RIPOR3: variants seen among roughly 807,000 people sequenced by gnomAD.
The protein encoded by RIPOR3 is RIPOR family member 3, also known as family with sequence similarity 65 member C.
Under a neutral mutation model 114.3 loss-of-function variants are expected in RIPOR3, and 95 were observed. That is an observed-to-expected ratio of 0.83 (90% CI 0.70 to 0.99). The LOEUF (loss-of-function observed/expected upper bound fraction) is 0.99. Ranked by LOEUF, RIPOR3 falls within the 50% of genes least tolerant of loss-of-function variation. The pLI is 0.00. For synonymous variants in RIPOR3, 575 were observed against 543.8 expected, an observed-to-expected ratio of 1.06 and a Z score of -0.80; for missense variants, 1,252 against 1,266.9, an observed-to-expected ratio of 0.99 and a Z score of 0.18.
rs1600729681 is a variant in RIPOR3 at position 50,668,854 on chromosome 20, C to T, written c.3+22272G>A. Among the ~76,000 whole-genome samples the T allele has an allele frequency of 2.0e-5, 3 of 150,176 alleles. No homozygotes were observed. The East Asian group carries it at 5.9e-4, about 29-fold the overall frequency. ...CCTGGGCAACAGAGCGAGACTCCAT[C>T]TCAAAAAAAAAAAAAAATTCAGGAA... On this transcript the variant is annotated intron_variant, in intron 1 of 21. Coordinates refer to ENST00000327979, the MANE Select transcript of RIPOR3 (RefSeq NM_001290268.2).
At position 50,602,501 on chromosome 20, in the gene RIPOR3, GA is replaced by G; in HGVS notation, c.1229del (p.Phe410SerfsTer25). 6.4e-7 allele frequency: 1 copy of G among 1,565,138 alleles called. No individual in the cohort carries two copies. The highest frequency in any genetic ancestry group is 8.7e-7 in the Non-Finnish European group (1 of 1,153,858). ...CCGTGTCTCGGGGGTCCTCAGAGCTGAAGGAGTCCATCTCAGGCAGCTCCTG... is the reference window on the plus strand; with the variant it reads ...CCGTGTCTCGGGGGTCCTCAGAGCTGAGGAGTCCATCTCAGGCAGCTCCTG... ...QSQELPEMDSFSSEDPRDTET... is the reference protein window; with the variant it reads ...QSQELPEMDSXSSEDPRDTET... On this transcript the variant is annotated frameshift_variant, in exon 13 of 22. Coordinates refer to ENST00000327979, the MANE Select transcript of RIPOR3 (RefSeq NM_001290268.2). LOFTEE classifies it high-confidence loss of function. The surrounding 1 kb of genome is among the most constrained non-coding windows in gnomAD (Gnocchi z 4.3).
chr20:50,664,493 ACT>A (rs2086116256), intron 1 of RIPOR3, among the ~76,000 whole-genome samples: 1 of 152,122 alleles, frequency 6.6e-6, no homozygotes, highest in South Asian at 2.1e-4. Flanking sequence ...GGAAATCTCC[ACT>A]GAGGGACAGA....
intron 1 of RIPOR3, among the ~76,000 whole-genome samples, chr20:50,637,843 C>A (rs374713820): frequency 2.2e-4 from 33 of 152,184 alleles, no homozygotes; most frequent in African/African-American, 5.5e-4. Context: ...CCGTTGCACT[C>A]CAGCCTGGGT....
intron 2 of RIPOR3, among the ~76,000 whole-genome samples, chr20:50,630,178 G>C (rs1189570891): frequency 6.6e-6 from 1 of 152,164 alleles, no homozygotes; most frequent in Non-Finnish European, 1.5e-5. Context: ...GTGTTGGCCA[G>C]GGTGGTCTCC....
chr20:50,675,711 C>G (rs1385553733), intron 1 of RIPOR3, among the ~76,000 whole-genome samples: 1 of 152,230 alleles, frequency 6.6e-6, no homozygotes, highest in Non-Finnish European at 1.5e-5. Context: ...AACGCCCATG[C>G]TGTTGACCAG....
intron 1 of RIPOR3, among the ~76,000 whole-genome samples, chr20:50,653,472 A>G (rs2085692316): frequency 6.6e-6 from 1 of 150,650 alleles, no homozygotes; most frequent in African/African-American, 2.4e-5. Context: ...GCCTCCCTCT[A>G]TTACCCAGGC....
At chr20:50,639,300 C>T (rs1033446920) in intron 1 of RIPOR3, among the ~76,000 whole-genome samples, 1 of 152,006 alleles carries the variant, frequency 6.6e-6, no homozygotes, top group African/African-American at 2.4e-5. Flanking sequence ...GGCTACAGGA[C>T]TTGTGCAGTG....
chr20:50,677,178 C>A (rs1456150993), intron 1 of RIPOR3, among the ~76,000 whole-genome samples: 1 of 152,088 alleles, frequency 6.6e-6, no homozygotes, highest in Non-Finnish European at 1.5e-5. Flanking sequence ...GGAATTCGGA[C>A]TAACTCCCTT....
At chr20:50,674,225 G>A (rs1335288599) in intron 1 of RIPOR3, among the ~76,000 whole-genome samples, 3 of 152,136 alleles carry the variant, frequency 2.0e-5, no homozygotes, top group African/African-American at 7.2e-5. Context: ...GATGGGATTG[G>A]AGGGTCTCAA....
chr20:50,595,169 A>T, intron 16 of RIPOR3, 200 bp downstream of exon 16: 2 of 651,510 alleles, frequency 3.1e-6, no homozygotes, highest in Non-Finnish European at 2.7e-6. Flanking sequence ...AGCTGACTGA[A>T]GAGTGTGCTG....
chr20:50,598,413 A>T (rs2083377838), intron 13 of RIPOR3, among the ~76,000 whole-genome samples: 1 of 151,806 alleles, frequency 6.6e-6, no homozygotes, highest in African/African-American at 2.4e-5. Flanking sequence ...TTCCCAGCAC[A>T]CCCCACCCAG....
rs187042699 is a variant in RIPOR3 at position 50,589,213 on chromosome 20, A to C, written c.2661+473T>G. On this transcript the variant is annotated intron_variant, in intron 20 of 21. Transcript: ENST00000327979. Reference sequence around the variant, plus strand: ...TTTTAAATGCTCACACACACCCACAAACTTTTAAAAGAAGCATACCAGAAT... The same window carrying C: ...TTTTAAATGCTCACACACACCCACACACTTTTAAAAGAAGCATACCAGAAT... 5.9e-5 allele frequency among the ~76,000 whole-genome samples: 9 copies of C among 152,242 alleles called. No homozygotes were observed. In the East Asian group the frequency reaches 1.5e-3, roughly 26 times the overall value.
chr20:50,591,254 A>T (rs1191009879), intron 19 of RIPOR3, among the ~76,000 whole-genome samples: 3 of 152,204 alleles, frequency 2.0e-5, no homozygotes, highest in Admixed American at 1.3e-4. Flanking sequence ...ATATAAAGGA[A>T]TTGATAGTTA....
rs755019012 is a variant in RIPOR3 at position 50,589,602 on chromosome 20, G to A, written c.2661+84C>T. ...TGAGCCATCACGCCCAGCCCCAGTG[G>A]AATCATTTTGAAGTTAACTAACCTT... On this transcript the variant is annotated intron_variant, in intron 20 of 21. Transcript: ENST00000327979. 12 of 1,410,434 alleles carry A rather than the reference G, an allele frequency of 8.5e-6. No individual in the cohort carries two copies. The Admixed American group carries it at 1.7e-4, about 20-fold the overall frequency. 87.4% of individuals were successfully genotyped at this position (1,410,434 alleles called of 1,614,324 possible).
At chr20:50,592,858 C>A (rs1408803277) in intron 18 of RIPOR3, among the ~76,000 whole-genome samples, 177 bp downstream of exon 18, 1 of 152,212 alleles carries the variant, frequency 6.6e-6, no homozygotes, top group African/African-American at 2.4e-5. Flanking sequence ...AGCTGACTTC[C>A]CTTGGAGCTA....
At chr20:50,648,764 A>G (rs1600680116) in intron 1 of RIPOR3, among the ~76,000 whole-genome samples, 2 of 152,162 alleles carry the variant, frequency 1.3e-5, no homozygotes, top group Middle Eastern at 6.8e-3. Flanking sequence ...GATCCCTCGC[A>G]TGCGTAGTTC....
chr20:50,611,143 C>T (rs1461011186), intron 5 of RIPOR3, 38 bp downstream of exon 5: 1 of 1,614,186 alleles, frequency 6.2e-7, no homozygotes, highest in Non-Finnish European at 8.5e-7. Flanking sequence ...CTCATCCAGC[C>T]AGGCCCAGCC....
At chr20:50,598,725 T>C (rs1294217199) in intron 13 of RIPOR3, among the ~76,000 whole-genome samples, 1 of 152,028 alleles carries the variant, frequency 6.6e-6, no homozygotes, top group Non-Finnish European at 1.5e-5. Context: ...GCCAACATGA[T>C]GAAACTGCAT....
intron 6 of RIPOR3, among the ~76,000 whole-genome samples, chr20:50,609,959 A>C (rs6020636): frequency 0.59 from 67,187 of 113,604 alleles, 19,671 homozygotes; most frequent in East Asian, 0.85. Flanking sequence ...ACCTGCCACC[A>C]CTGCCTCACC....
Sources: gnomAD v4.1 joint callset for allele counts (sites outside exome capture counted in the v4.1 genomes callset) on GRCh38, gnomAD v4.1.1 for gene constraint, Gnocchi (gnomAD v3.1) non-coding constraint, MANE v1.5 for transcripts, NCBI Gene and HGNC (gene_info 2026-07-23, HGNC 2026-07-21) for gene names.